Variants in MAN2A2 observed in about 807,000 individuals in gnomAD.
MAN2A2 encodes the protein alpha-mannosidase 2x.
MAN2A2 carries 79 observed loss-of-function variants against 126.8 expected under a neutral mutation model. The ratio of observed to expected loss-of-function variants is 0.62; its 90% CI spans 0.52 to 0.75. MAN2A2 has a LOEUF of 0.75. MAN2A2 is among the 30% of genes least tolerant of loss of function. The pLI is 0.00. For synonymous variants in MAN2A2, 671 were observed against 618.7 expected (o/e 1.08, Z -1.25); for missense variants, 1,392 against 1,522.4 (o/e 0.91, Z 1.43).
At chr15:90,905,194 G>A in intron 2 of MAN2A2, 57 bp from the exon 3 acceptor site, 2 of 1,584,858 alleles carry the variant, frequency 1.3e-6, no homozygotes, top group South Asian at 2.3e-5. Flanking sequence ...ACCCCAAGCA[G>A]AGACCCTCCC....
intron 14 of MAN2A2, 66 bp from the exon 15 acceptor site, chr15:90,911,977 C>T (rs561802114): frequency 3.8e-5 from 51 of 1,329,332 alleles, no homozygotes; most frequent in African/African-American, 1.7e-4. Context: ...TGTTAGTAAG[C>T]GGATGCCTCA....
chr15:90,903,090 G>A (rs1413096472), upstream of MAN2A2: 1 of 152,086 alleles, frequency 6.6e-6, no homozygotes, highest in African/African-American at 2.4e-5. Flanking sequence ...AGGGACAGGA[G>A]GCTGCCTGAG....
chr15:90,905,330 T>G lies in MAN2A2; in HGVS notation c.212T>G (p.Ile71Ser), dbSNP rs779168195. The part of the protein sequence containing the change: ...LEENHEIISH[I>S]KDSVLELTAN... The stretch of plus-strand genomic sequence containing the variant: ...GAGAACCATGAGATTATCAGCCATA[T>G]CAAGGACTCCGTGCTGGAGCTGACA... Residue 71 changes from isoleucine (I) to serine (S), a missense_variant, in exon 3 of 23, where the codon ATC becomes AGC. By Grantham distance (142) the Ile-to-Ser change is moderately radical. Coordinates refer to ENST00000559717, the MANE Select transcript of MAN2A2 (RefSeq NM_006122.4). 3.1e-6 allele frequency: 5 copies of G among 1,613,926 alleles called. No homozygotes were observed. The South Asian group carries it at 3.3e-5, about 11-fold the overall frequency.
rs1430122675 is a variant in MAN2A2 at position 90,905,357 on chromosome 15, C to G, written c.239C>G (p.Ala80Gly). The G allele has an allele frequency of 6.2e-6, 10 of 1,613,744 alleles. No individual in the cohort carries two copies. The highest frequency in any genetic ancestry group is 8.5e-6 in the Non-Finnish European group (10 of 1,180,056). ...HIKDSVLELTANAEGPPAMLP... is the reference protein window; with the variant it reads ...HIKDSVLELTGNAEGPPAMLP... ...AAGGACTCCGTGCTGGAGCTGACAG[C>G]CAACGCAGAGGGCCCGCCCGCCATG... Residue 80 changes from alanine (A) to glycine (G), a missense_variant, in exon 3 of 23, where the codon GCC becomes GGC. Coordinates refer to ENST00000559717, the MANE Select transcript of MAN2A2 (RefSeq NM_006122.4).
rs2034547698 is a variant in MAN2A2 at position 90,909,417 on chromosome 15, T to C, written c.1287T>C (p.Tyr429=). The C allele has an allele frequency of 6.2e-7, 1 of 1,614,120 alleles. No individual in the cohort carries two copies. The highest frequency in any genetic ancestry group is 8.5e-7 in the Non-Finnish European group (1 of 1,179,998). The change falls in exon 9 of 23, where the codon TAT becomes TAC. Residue 429 remains tyrosine, a synonymous_variant. Coordinates refer to ENST00000559717, the MANE Select transcript of MAN2A2 (RefSeq NM_006122.4). ...LLVPLGDDFR[Y]DKPQEWDAQF... ...TGCCTCTTGGAGATGACTTCCGATA[T>C]GACAAGCCCCAGGAGTGGGATGCCC...
intron 9 of MAN2A2, 102 bp downstream of exon 9, chr15:90,909,606 T>C (rs2677748): frequency 0.43 from 230,754 of 541,552 alleles, 15,287 homozygotes; most frequent in East Asian, 0.52. Flanking sequence ...GGTGCCCCCC[T>C]TTTTTTTTTT....
intron 7 of MAN2A2, 65 bp from the exon 8 acceptor site, chr15:90,907,244 A>ATCCTTGCCCCCT (rs1170714529): frequency 1.6e-5 from 24 of 1,513,666 alleles, no homozygotes; most frequent in Non-Finnish European, 3.6e-6. Context: ...GCCTGAACAG[A>ATCCTTGCCCCCT]TCCTTGCCCC....
At chr15:90,906,663 G>A (rs1449829179) in intron 6 of MAN2A2, 77 bp from the exon 7 acceptor site, 1 of 1,577,714 alleles carries the variant, frequency 6.3e-7, no homozygotes, top group Non-Finnish European at 8.6e-7. Context: ...AAGAGCTGGG[G>A]TCCCAGCACC....
At position 90,907,355 on chromosome 15, in the gene MAN2A2, C is replaced by T. The variant is rs2034382574; in HGVS notation, c.1056C>T (p.Tyr352=). 4 of 1,614,074 alleles carry T rather than the reference C, an allele frequency of 2.5e-6. No individual in the cohort carries two copies. Among genetic ancestry groups the T allele is most frequent in the Admixed American group, 1.7e-5 (1 of 60,014 alleles). Residue 352 remains tyrosine, a synonymous_variant, in exon 8 of 23, where the codon TAC becomes TAT. Coordinates refer to ENST00000559717, the MANE Select transcript of MAN2A2 (RefSeq NM_006122.4). ...TDIFCHMMPF[Y]SYDVPHTCGP... ...TCTTCTGTCACATGATGCCCTTCTA[C>T]AGCTATGACGTCCCCCATACCTGTG...
chr15:90,916,346 T>A (rs762447394), intron 20 of MAN2A2, 90 bp downstream of exon 20: 1 of 1,505,238 alleles, frequency 6.6e-7, no homozygotes, highest in Non-Finnish European at 9.0e-7. Context: ...AGGAGCGTAG[T>A]TGGAGGTGGG....
Position 90,912,872 on chromosome 15 carries a change from T to C in MAN2A2, c.2470-5T>C, listed in dbSNP as rs1266492. ...AGTTTCAACAGCAATCTGCTCTTTC[T>C]CTAGCCCTACGTCCCCAAGGAGCCC... On this transcript the variant is annotated splice_region_variant and splice_polypyrimidine_tract_variant and intron_variant, in intron 16 of 22. Coordinates refer to ENST00000559717, the MANE Select transcript of MAN2A2 (RefSeq NM_006122.4). 0.36 allele frequency: 576,824 copies of C among 1,611,346 alleles called. 124,937 individuals are homozygous for C. Among genetic ancestry groups the C allele is most frequent in the East Asian group, 0.98 (43,768 of 44,844 alleles).
At chr15:90,918,448 C>T in intron 21 of MAN2A2, 60 bp downstream of exon 21, 1 of 1,540,280 alleles carries the variant, frequency 6.5e-7, no homozygotes, top group East Asian at 2.3e-5. Context: ...CCTCCCTGCT[C>T]AGCTCCTTCC....
rs1393422014 is a variant in MAN2A2, at chr15:90,905,232, C to T, written c.133-19C>T. On this transcript the variant is annotated intron_variant, in intron 2 of 22. Coordinates refer to ENST00000559717, the MANE Select transcript of MAN2A2 (RefSeq NM_006122.4). The stretch of plus-strand genomic sequence containing the variant: ...TGGCATAAGGAGCTGTGTGTGATTG[C>T]TTTCTGGTTTTTTGGCAGAGCCAAA... 2.5e-6 allele frequency: 4 copies of T among 1,608,036 alleles called. No individual in the cohort carries two copies. Among genetic ancestry groups the T allele is most frequent in the Non-Finnish European group, 3.4e-6 (4 of 1,179,542 alleles).
chr15:90,904,676 G>A (rs558497351), intron 2 of MAN2A2, among the ~76,000 whole-genome samples: 58 of 150,940 alleles, frequency 3.8e-4, no homozygotes, highest in Admixed American at 6.6e-4. Context: ...TGCAACCTCC[G>A]CCTCCCAGGT....
chr15:90,908,517 T>C (rs997064139), intron 8 of MAN2A2, among the ~76,000 whole-genome samples: 1 of 152,206 alleles, frequency 6.6e-6, no homozygotes. Context: ...TCCCATTATG[T>C]ACCAGGCACT....
intron 8 of MAN2A2, 114 bp downstream of exon 8, chr15:90,907,609 C>A: frequency 1.1e-6 from 1 of 936,654 alleles, no homozygotes; most frequent in Non-Finnish European, 1.6e-6. Flanking sequence ...CTAGCCTCTG[C>A]AGCAGCAGCT....
Position 90,912,225 on chromosome 15 carries a change from C to G in MAN2A2, c.2292C>G (p.Ala764=). ...TTGACTCTGGCACCAGCGACTTCGCCCTCAGCAACCGCTACATGCAGGTCT... is the reference window on the plus strand; with the variant it reads ...TTGACTCTGGCACCAGCGACTTCGCGCTCAGCAACCGCTACATGCAGGTCT... ...RVIDSGTSDF[A]LSNRYMQVWF... The change falls in exon 15 of 23, where the codon GCC becomes GCG. Residue 764 remains alanine (A), a synonymous_variant. Transcript: ENST00000559717. 1 of 1,614,242 alleles carries G rather than the reference C, an allele frequency of 6.2e-7. No homozygotes were observed. Among genetic ancestry groups the G allele is most frequent in the Non-Finnish European group, 8.5e-7 (1 of 1,180,042 alleles).
chr15:90,906,033 G>A lies in MAN2A2; in HGVS notation c.707+17G>A. 1 of 1,613,142 alleles carries A rather than the reference G, an allele frequency of 6.2e-7. No homozygotes were observed. Among genetic ancestry groups the A allele is most frequent in the Non-Finnish European group, 8.5e-7 (1 of 1,179,958 alleles). On this transcript the variant is annotated intron_variant, in intron 5 of 22. Transcript: ENST00000559717. Reference sequence around the variant, plus strand: ...AGTCCGAAGGCCAGTACCAGGCGGGGAGGCATGGGAGGGCATTGTCTGAGC... The same window carrying A: ...AGTCCGAAGGCCAGTACCAGGCGGGAAGGCATGGGAGGGCATTGTCTGAGC...
chr15:90,908,342 A>C (rs926506213), intron 8 of MAN2A2, among the ~76,000 whole-genome samples: 4 of 152,242 alleles, frequency 2.6e-5, no homozygotes, highest in Non-Finnish European at 5.9e-5. Flanking sequence ...GAAAAGTACA[A>C]GCTGGGCCAG....
Sources: allele counts gnomAD v4.1 joint callset (sites outside exome capture counted in the v4.1 genomes callset), GRCh38; gene constraint gnomAD v4.1.1; transcripts MANE v1.5; gene names NCBI Gene and HGNC (gene_info 2026-07-23, HGNC 2026-07-21).